The following NFYC variants were observed in gnomAD, a reference collection of about 807,000 sequenced individuals.
The protein encoded by NFYC is nuclear transcription factor Y subunit gamma.
A neutral mutation model predicts 53.1 loss-of-function variants in NFYC; 25 were observed. The ratio of observed to expected loss-of-function variants is 0.47; its 90% confidence interval spans 0.34 to 0.66. The LOEUF (loss-of-function observed/expected upper bound fraction) is 0.66. Among genes scored for constraint, NFYC ranks in the 30% least tolerant of loss-of-function variants. The probability of loss-of-function intolerance (pLI) is 0.01; values close to 1 mark genes in which losing one functional copy is unlikely to be tolerated. For synonymous variants in NFYC, 145 were observed against 152.6 expected (o/e 0.95, Z 0.37); for missense variants, 260 against 422.7 (o/e 0.62, Z 3.38).
intron 5 of NFYC, among the ~76,000 whole-genome samples, chr1:40,753,865 G>A (rs1476639349): frequency 2.6e-5 from 4 of 152,182 alleles, no homozygotes; most frequent in Non-Finnish European, 5.9e-5. Context: ...TGTTTTGCAA[G>A]CAATCACAAG....
chr1:40,698,891 G>A (rs1440557172), intron 1 of NFYC, among the ~76,000 whole-genome samples: 2 of 152,098 alleles, frequency 1.3e-5, no homozygotes, highest in Non-Finnish European at 2.9e-5. Context: ...TGGGCCGGGC[G>A]CCGTGGCTCA....
chr1:40,721,012 G>A (rs1437457780), intron 1 of NFYC, among the ~76,000 whole-genome samples: 1 of 151,894 alleles, frequency 6.6e-6, no homozygotes, highest in African/African-American at 2.4e-5. Context: ...TACAAACGGG[G>A]GAAAAAATAG....
chr1:40,697,352 A>G (rs1035786971), intron 1 of NFYC, among the ~76,000 whole-genome samples: 3 of 152,220 alleles, frequency 2.0e-5, no homozygotes, highest in African/African-American at 7.2e-5. Context: ...GAGAGCAACC[A>G]CTTGACATGA....
intron 1 of NFYC, among the ~76,000 whole-genome samples, chr1:40,713,611 G>A (rs2148462632): frequency 6.6e-6 from 1 of 152,264 alleles, no homozygotes. Flanking sequence ...TTAGGCTGAT[G>A]GGAATCACTT....
intron 1 of NFYC, among the ~76,000 whole-genome samples, chr1:40,702,815 ATTTGC>A (rs1249053273): frequency 6.6e-6 from 1 of 151,682 alleles, no homozygotes; most frequent in Admixed American, 6.6e-5. Context: ...ATTTTCTTTG[ATTTGC>A]TTATAATGTT....
intron 8 of NFYC, chr1:40,769,103 A>G (rs1007819969): frequency 6.8e-6 from 3 of 440,950 alleles, no homozygotes; most frequent in Non-Finnish European, 1.3e-5. Context: ...GTAGGCATTC[A>G]TTAGAGAGAT....
At chr1:40,700,709 A>G (rs536590844) in intron 1 of NFYC, among the ~76,000 whole-genome samples, 1 of 152,312 alleles carries the variant, frequency 6.6e-6, no homozygotes, top group Admixed American at 6.5e-5. Flanking sequence ...TGAATTCAAA[A>G]AAATTTGTTT....
At chr1:40,710,723 C>T (rs77098569) in intron 1 of NFYC, among the ~76,000 whole-genome samples, 2,416 of 152,228 alleles carry the variant, frequency 0.016, 33 homozygotes, top group Non-Finnish European at 0.024. Context: ...CTAGCTTCCC[C>T]TCTAATAAAG....
chr1:40,698,522 G>A (rs930620271), intron 1 of NFYC, among the ~76,000 whole-genome samples: 1 of 151,116 alleles, frequency 6.6e-6, no homozygotes, highest in African/African-American at 2.4e-5. Context: ...TGCCTTTTGG[G>A]TTCAGACGAT....
intron 1 of NFYC, among the ~76,000 whole-genome samples, chr1:40,736,547 G>A (rs929283807): frequency 2.0e-5 from 3 of 152,130 alleles, no homozygotes; most frequent in East Asian, 1.9e-4. Flanking sequence ...TCACTGGCAC[G>A]TTAAACCTTT....
chr1:40,757,900 AT>A, intron 5 of NFYC: 1 of 591,102 alleles, frequency 1.7e-6, no homozygotes, highest in East Asian at 2.9e-5. Context: ...TACTTCAGAA[AT>A]TGGCTGTATG....
intron 1 of NFYC, 189 bp downstream of exon 1, chr1:40,692,056 G>A (rs1311875216): frequency 9.5e-6 from 2 of 211,010 alleles, no homozygotes; most frequent in African/African-American, 2.4e-5. Context: ...CCGCGCTCGT[G>A]GGGTCCGTGT....
intron 1 of NFYC, chr1:40,695,881 A>G (rs1225182872): frequency 6.6e-6 from 1 of 152,180 alleles, no homozygotes; most frequent in Non-Finnish European, 1.5e-5. Flanking sequence ...TAAATGTATT[A>G]TGTATATTTA....
rs1647064201 is a variant in NFYC at position 40,771,070 on chromosome 1, G to A, written c.*242G>A. On this transcript the variant is annotated 3_prime_UTR_variant, in exon 10 of 10. Coordinates refer to ENST00000447388, the MANE Select transcript of NFYC (RefSeq NM_014223.5). The stretch of plus-strand genomic sequence containing the variant: ...GAATCAATATTTCAATATGTTGAGT[G>A]TGTGTCCAATGCTATGAAATTAAAA... 1.7e-6 allele frequency: 1 copy of A among 574,780 alleles called. No individual in the cohort carries two copies. Among genetic ancestry groups the A allele is most frequent in the Non-Finnish European group, 3.1e-6 (1 of 323,236 alleles). The allele number at this position is 574,780 out of a possible 1,614,324, so 35.6% of individuals were successfully genotyped here. A position where few individuals can be genotyped will look rare whatever the true frequency, so the allele number is the denominator to read the frequency against.
intron 2 of NFYC, among the ~76,000 whole-genome samples, chr1:40,747,285 A>T (rs1450720491): frequency 6.8e-6 from 1 of 147,946 alleles, no homozygotes; most frequent in Non-Finnish European, 1.5e-5. Context: ...GCTGTGTTTC[A>T]TGAGAGCACT....
At chr1:40,712,403 G>A (rs1007587228) in intron 1 of NFYC, 2 of 152,066 alleles carry the variant, frequency 1.3e-5, no homozygotes, top group Non-Finnish European at 2.9e-5. Flanking sequence ...GTTAGATTTA[G>A]GAACCTCTCA....
At chr1:40,769,470 CAGGTAGT>C in intron 9 of NFYC, 55 bp downstream of exon 9, 2 of 1,508,030 alleles carry the variant, frequency 1.3e-6, no homozygotes, top group Non-Finnish European at 1.8e-6. Flanking sequence ...GGCAGGGTAG[CAGGTAGT>C]ATCTGGGTTT....
At chr1:40,715,926 A>G (rs974487613) in intron 1 of NFYC, among the ~76,000 whole-genome samples, 1 of 152,240 alleles carries the variant, frequency 6.6e-6, no homozygotes, top group African/African-American at 2.4e-5. Flanking sequence ...GTGCTAATTC[A>G]CTTGGTTATC....
intron 5 of NFYC, chr1:40,757,847 A>T (rs1395861301): frequency 1.9e-6 from 1 of 529,886 alleles, no homozygotes; most frequent in African/African-American, 1.9e-5. Context: ...TACGGTACTT[A>T]TTTGCCCGTT....
Sources: gnomAD v4.1 joint callset for allele counts (sites outside exome capture counted in the v4.1 genomes callset) on GRCh38, gnomAD v4.1.1 for gene constraint, MANE v1.5 for transcripts, NCBI Gene and HGNC (gene_info 2026-07-23, HGNC 2026-07-21) for gene names.